KIAA1217: variants seen among roughly 807,000 people sequenced by gnomAD.
KIAA1217 encodes the protein sickle tail protein homolog.
A neutral mutation model predicts 163.9 loss-of-function variants in KIAA1217; 88 were observed. The observed-to-expected ratio is 0.54, with a 90% CI of 0.45 to 0.64. KIAA1217 has a LOEUF of 0.64. Ranked by LOEUF, KIAA1217 falls within the 30% of genes least tolerant of loss-of-function variation. KIAA1217 has a pLI of 0.00. For synonymous variants in KIAA1217, 903 were observed against 923.1 expected (o/e 0.98, Z 0.39); for missense variants, 2,372 against 2,475.0 (o/e 0.96, Z 0.88).
At chr10:23,833,079 A>C (rs188443181) in intron 1 of KIAA1217, among the ~76,000 whole-genome samples, 314 of 152,212 alleles carry the variant, frequency 2.1e-3, no homozygotes, top group Non-Finnish European at 2.1e-3. Flanking sequence ...TCAATACTTA[A>C]ATCTATTTTT....
intron 3 of KIAA1217, 65 bp from the exon 4 acceptor site, chr10:24,432,930 T>C: frequency 7.5e-7 from 1 of 1,335,270 alleles, no homozygotes; most frequent in South Asian, 1.2e-5. Context: ...AAGAAGTGGC[T>C]CAGCTTGTGC....
chr10:24,529,197 T>C (rs1464242959), intron 14 of KIAA1217, among the ~76,000 whole-genome samples: 1 of 152,170 alleles, frequency 6.6e-6, no homozygotes, highest in Non-Finnish European at 1.5e-5. Flanking sequence ...TTGGTATCCA[T>C]GGGAGATTAG....
intron 9 of KIAA1217, among the ~76,000 whole-genome samples, chr10:24,512,531 G>A (rs2069352575): frequency 6.6e-6 from 1 of 152,126 alleles, no homozygotes; most frequent in Non-Finnish European, 1.5e-5. Flanking sequence ...GAACTGTTTG[G>A]AAATTGTGAG....
At position 23,780,033 on chromosome 10, in the gene KIAA1217, G is replaced by A. The variant is rs569026110; in HGVS notation, c.-321+84799G>A. Among the ~76,000 whole-genome samples the A allele has an allele frequency of 5.3e-5, 8 of 152,264 alleles. No individual in the cohort carries two copies. The South Asian group carries it at 1.7e-3, about 32-fold the overall frequency. ...GTAAATGCACCCTATGATGTTCATA[G>A]GACAAAGTCACTTAATGATGCATTT... On this transcript the variant is annotated intron_variant, in intron 1 of 18. Transcript: ENST00000376462.
chr10:24,283,473 C>A (rs1331161852), intron 2 of KIAA1217, among the ~76,000 whole-genome samples: 2 of 152,078 alleles, frequency 1.3e-5, no homozygotes, highest in African/African-American at 4.8e-5. Flanking sequence ...TCAGGAACAG[C>A]CTGGTCAACA....
intron 2 of KIAA1217, among the ~76,000 whole-genome samples, chr10:24,362,799 G>A (rs1244264637): frequency 2.6e-5 from 4 of 152,094 alleles, no homozygotes; most frequent in Non-Finnish European, 4.4e-5. Flanking sequence ...CCCGGAGTTC[G>A]ATACCAGCCT....
intron 2 of KIAA1217, among the ~76,000 whole-genome samples, chr10:24,031,301 T>G (rs1848177262): frequency 6.6e-6 from 1 of 152,156 alleles, no homozygotes; most frequent in African/African-American, 2.4e-5. Context: ...CGCTGAGCAT[T>G]CATTCATTCA....
intron 17 of KIAA1217, among the ~76,000 whole-genome samples, chr10:24,538,253 C>G (rs2074323844): frequency 6.6e-6 from 1 of 152,128 alleles, no homozygotes; most frequent in Non-Finnish European, 1.5e-5. Flanking sequence ...CAGCTTGCTT[C>G]CCCCTGGCTC....
intron 1 of KIAA1217, among the ~76,000 whole-genome samples, chr10:23,775,249 A>G (rs897731418): frequency 6.6e-6 from 1 of 152,158 alleles, no homozygotes; most frequent in Admixed American, 6.5e-5. Context: ...TATGAGTAGT[A>G]TCAATGGGGT....
chr10:24,466,901 G>A, intron 5 of KIAA1217: 2 of 544,190 alleles, frequency 3.7e-6, no homozygotes, highest in Non-Finnish European at 4.7e-6. Context: ...ACAAATTCTA[G>A]ACTTGGAAGG....
At chr10:24,291,172 T>C (rs1418862473) in intron 2 of KIAA1217, among the ~76,000 whole-genome samples, 5 of 152,206 alleles carry the variant, frequency 3.3e-5, no homozygotes, top group Non-Finnish European at 7.3e-5. Flanking sequence ...TCTTCCCATA[T>C]AAGCATGGGC....
At position 24,039,797 on chromosome 10, in the gene KIAA1217, G is replaced by GATAGATATAGAT. The variant is rs71923161; in HGVS notation, c.-171+32463_-171+32474dup. On this transcript the variant is annotated intron_variant, in intron 2 of 18. Coordinates refer to the KIAA1217 transcript ENST00000376462. ...ATCTTATTGGCATGATATAGATATA[G>GATAGATATAGAT]ATAGATATAGATATAGATATAGATA... 2.2e-3 allele frequency among the ~76,000 whole-genome samples: 332 copies of GATAGATATAGAT among 147,632 alleles called. 1 individual carries two copies. The highest frequency in any genetic ancestry group is 7.5e-3 in the African/African-American group (300 of 39,738).
Position 23,818,204 on chromosome 10 carries a change from AT to A in KIAA1217, c.-321+122978del, listed in dbSNP as rs1323754596. ...TCAATAAAGGTATTAGGTAAGACATATTTTTTTTGCATCTATAGGCAAAACT... is the reference window on the plus strand; with the variant it reads ...TCAATAAAGGTATTAGGTAAGACATATTTTTTTGCATCTATAGGCAAAACT... On this transcript the variant is annotated intron_variant, in intron 1 of 18. Coordinates refer to the KIAA1217 transcript ENST00000376462. 9.8e-5 allele frequency among the ~76,000 whole-genome samples: 14 copies of A among 142,852 alleles called. No homozygotes were observed. In the East Asian group the frequency reaches 1.4e-3, roughly 14 times the overall value. 93.7% of individuals were successfully genotyped at this position (142,852 alleles called of 152,430 possible).
chr10:24,008,786 C>T (rs1395661935), intron 2 of KIAA1217, among the ~76,000 whole-genome samples: 3 of 152,182 alleles, frequency 2.0e-5, no homozygotes, highest in Non-Finnish European at 4.4e-5. Context: ...TCAGACATTC[C>T]TACGCTACCG....
chr10:24,295,955 G>T (rs1256476244), intron 2 of KIAA1217, among the ~76,000 whole-genome samples: 1 of 151,966 alleles, frequency 6.6e-6, no homozygotes, highest in Non-Finnish European at 1.5e-5. Context: ...TTGAAGGCAG[G>T]GTCCATGTTT....
intron 2 of KIAA1217, among the ~76,000 whole-genome samples, chr10:24,372,118 C>T (rs867680312): frequency 5.3e-5 from 8 of 152,056 alleles, no homozygotes; most frequent in Admixed American, 2.6e-4. Flanking sequence ...ACAAAAACAC[C>T]GGGGGTTTGG....
chr10:23,918,665 G>A (rs1027031713), intron 1 of KIAA1217, among the ~76,000 whole-genome samples: 1 of 151,698 alleles, frequency 6.6e-6, no homozygotes, highest in African/African-American at 2.4e-5. Context: ...ACCCAGCACT[G>A]GATGGACCAT....
At chr10:23,774,291 G>A (rs1040381480) in intron 1 of KIAA1217, among the ~76,000 whole-genome samples, 1 of 152,202 alleles carries the variant, frequency 6.6e-6, no homozygotes. Flanking sequence ...ACTGGCGAAA[G>A]AGGTGAAAGG....
intron 2 of KIAA1217, among the ~76,000 whole-genome samples, chr10:24,022,113 A>G (rs1287031914): frequency 2.6e-5 from 4 of 151,792 alleles, no homozygotes; most frequent in Non-Finnish European, 1.5e-5. Flanking sequence ...GACTTTATTA[A>G]GATGAAAACT....
Sources: allele counts gnomAD v4.1 joint callset (sites outside exome capture counted in the v4.1 genomes callset), GRCh38; gene constraint gnomAD v4.1.1; transcripts MANE v1.5; gene names NCBI Gene and HGNC (gene_info 2026-07-23, HGNC 2026-07-21).